The following SCML4 variants were observed in gnomAD, a reference collection of about 807,000 sequenced individuals.
SCML4 encodes sex comb on midleg-like protein 4.
SCML4 carries 34 observed loss-of-function variants against 41.1 expected under a neutral mutation model. The ratio of observed to expected loss-of-function variants is 0.83; its 90% CI spans 0.63 to 1.10. The LOEUF (loss-of-function observed/expected upper bound fraction) is 1.10. Among genes scored for constraint, SCML4 ranks in the 50% least tolerant of loss-of-function variants. The probability of loss-of-function intolerance (pLI) is 0.00; values close to 1 mark genes in which losing one functional copy is unlikely to be tolerated. For missense variants in SCML4, 522 were observed against 534.1 expected, an observed-to-expected ratio of 0.98 and a Z score of 0.22; for synonymous variants, 214 against 220.9, an observed-to-expected ratio of 0.97 and a Z score of 0.28.
intron 5 of SCML4, among the ~76,000 whole-genome samples, chr6:107,733,676 G>A (rs1776774369): frequency 6.6e-6 from 1 of 152,230 alleles, no homozygotes; most frequent in South Asian, 2.1e-4. Context: ...AATACAACCT[G>A]TGCAGGTCCT....
intron 5 of SCML4, among the ~76,000 whole-genome samples, chr6:107,733,865 G>C (rs1170428833): frequency 6.6e-6 from 1 of 152,216 alleles, no homozygotes; most frequent in African/African-American, 2.4e-5. Flanking sequence ...TCTTTGGACA[G>C]GCTCATCAGA....
At chr6:107,773,251 C>T (rs1780655767) in intron 1 of SCML4, among the ~76,000 whole-genome samples, 1 of 152,064 alleles carries the variant, frequency 6.6e-6, no homozygotes, top group Non-Finnish European at 1.5e-5. Context: ...TGTACAGATA[C>T]CACACACACT....
At chr6:107,799,815 T>C (rs1005677998) in intron 1 of SCML4, among the ~76,000 whole-genome samples, 1 of 152,170 alleles carries the variant, frequency 6.6e-6, no homozygotes, top group Non-Finnish European at 1.5e-5. Flanking sequence ...TTCTAGAATT[T>C]CAATTTCTAC....
At chr6:107,831,237 T>C in the SCML4 span, among the ~76,000 whole-genome samples, 1 of 152,068 alleles carries the variant, frequency 6.6e-6, no homozygotes, top group Non-Finnish European at 1.5e-5. Context: ...TTTTGGGGGA[T>C]TGCCTGCAGT....
chr6:107,744,301 T>C lies in SCML4; in HGVS notation c.682+648A>G, dbSNP rs149906683. On this transcript the variant is annotated intron_variant, in intron 5 of 7. Transcript: ENST00000369020. ...GTCATGTATGCCTGTGTGGCCTTGC[T>C]ACCCTCCCCAAGGGCCACTTTTCCA... 1.6e-3 allele frequency among the ~76,000 whole-genome samples: 237 copies of C among 152,308 alleles called. 1 individual carries two copies. The highest frequency in any genetic ancestry group is 5.6e-3 in the African/African-American group (232 of 41,570).
intron 5 of SCML4, among the ~76,000 whole-genome samples, chr6:107,744,549 G>A (rs1777889359): frequency 6.6e-6 from 1 of 152,184 alleles, no homozygotes. Flanking sequence ...TATAGCTCTA[G>A]TTTCTTTGGG....
intron 5 of SCML4, among the ~76,000 whole-genome samples, chr6:107,723,057 C>T (rs1024275848): frequency 3.3e-5 from 5 of 151,164 alleles, no homozygotes; most frequent in South Asian, 2.1e-4. Flanking sequence ...ACAAATAAAA[C>T]GTAAAGAAGG....
intron 2 of SCML4, among the ~76,000 whole-genome samples, chr6:107,764,369 A>G (rs1230086092): frequency 6.6e-6 from 1 of 152,230 alleles, no homozygotes; most frequent in Non-Finnish European, 1.5e-5. Context: ...AATTACCCAA[A>G]TAAAATAGAT....
rs533297095 is a variant in SCML4 at position 107,721,682 on chromosome 6, TCAAG to T, written c.683-693_683-690del. Reference sequence around the variant, plus strand: ...CCTGGCTCAGGACTCCTGGGAGAGATCAAGCAAGAGTCACAATGTCCCAGAGTCA... The same window carrying T: ...CCTGGCTCAGGACTCCTGGGAGAGATCAAGAGTCACAATGTCCCAGAGTCA... On this transcript the variant is annotated intron_variant, in intron 5 of 7. Transcript: ENST00000369020. Among the ~76,000 whole-genome samples, 12 of 152,058 alleles carry T rather than the reference TCAAG, an allele frequency of 7.9e-5. No homozygotes were observed. In the South Asian group the frequency reaches 2.5e-3, roughly 32 times the overall value.
At chr6:107,759,434 G>T (rs1034296196) in intron 2 of SCML4, among the ~76,000 whole-genome samples, 31 of 152,094 alleles carry the variant, frequency 2.0e-4, no homozygotes, top group African/African-American at 7.5e-4. Flanking sequence ...CTACTAAGGA[G>T]GTATCACGTG....
In SCML4 at chr6:107,784,016, G is replaced by C. The variant is rs76622278; in HGVS notation, c.-59-11630C>G. The stretch of plus-strand genomic sequence containing the variant: ...GGTGGTTGCAGCTGCAGGGACAGTG[G>C]CTGAGTGCCCAGTCTCTTGTTTTGG... On this transcript the variant is annotated intron_variant, in intron 1 of 7. Transcript: ENST00000369020. Among the ~76,000 whole-genome samples the C allele has an allele frequency of 8.2e-3, 1,243 of 152,262 alleles. 22 individuals are homozygous for C. The highest frequency in any genetic ancestry group is 0.028 in the African/African-American group (1,177 of 41,550).
rs149635588 is a variant in SCML4, at chr6:107,703,407, C to T, written c.*1793G>A. 6.6e-6 allele frequency among the ~76,000 whole-genome samples: 1 copy of T among 152,284 alleles called. No homozygotes were observed. The highest frequency in any genetic ancestry group is 2.4e-5 in the African/African-American group (1 of 41,562). On this transcript the variant is annotated 3_prime_UTR_variant, in exon 8 of 8. Coordinates refer to ENST00000369020, the MANE Select transcript of SCML4 (RefSeq NM_198081.5). ...CAGTGAGCAAGTTTAGTACATTCTC[C>T]TCCTCCCCTTCTCTGCCATGCTCTC...
chr6:107,720,261 T>C (rs1775232628), intron 6 of SCML4: 5 of 698,104 alleles, frequency 7.2e-6, no homozygotes, highest in Non-Finnish European at 8.8e-6. Context: ...CACTTTCAGA[T>C]TGCAGGGAAG....
chr6:107,773,469 G>T (rs559449666), intron 1 of SCML4, among the ~76,000 whole-genome samples: 1 of 151,858 alleles, frequency 6.6e-6, no homozygotes, highest in East Asian at 1.9e-4. Flanking sequence ...GCCCATGCCT[G>T]TAATCCCAGC....
At chr6:107,826,302 A>G (rs1261881302), upstream of SCML4, among the ~76,000 whole-genome samples, 1 of 131,954 alleles carries the variant, frequency 7.6e-6, no homozygotes, top group Non-Finnish European at 1.5e-5. Context: ...AAGAAAGAAA[A>G]GAAAAAGAAG....
At chr6:107,738,194 T>C (rs1777256783) in intron 5 of SCML4, among the ~76,000 whole-genome samples, 1 of 152,200 alleles carries the variant, frequency 6.6e-6, no homozygotes, top group Non-Finnish European at 1.5e-5. Flanking sequence ...CAGGGAGCTG[T>C]GTTACTTCCC....
chr6:107,839,409 G>GAAAGAAAGGA, the SCML4 span, among the ~76,000 whole-genome samples: 1 of 144,662 alleles, frequency 6.9e-6, no homozygotes, highest in African/African-American at 2.8e-5. Context: ...AAGAAAGAAA[G>GAAAGAAAGGA]AGGAAGAAGA....
intron 1 of SCML4, among the ~76,000 whole-genome samples, chr6:107,808,502 C>A (rs1471211429): frequency 6.6e-6 from 1 of 151,988 alleles, no homozygotes; most frequent in Non-Finnish European, 1.5e-5. Context: ...AAACTCCTGG[C>A]CTCAAGTGAT....
chr6:107,726,649 T>C (rs1337361334), intron 5 of SCML4, among the ~76,000 whole-genome samples: 3 of 151,500 alleles, frequency 2.0e-5, no homozygotes, highest in African/African-American at 7.3e-5. Flanking sequence ...AAATGGCCAG[T>C]AGGCACATCA....
Sources: gnomAD v4.1 joint callset for allele counts (sites outside exome capture counted in the v4.1 genomes callset) on GRCh38, gnomAD v4.1.1 for gene constraint, MANE v1.5 for transcripts, NCBI Gene and HGNC (gene_info 2026-07-23, HGNC 2026-07-21) for gene names.